Variants in WDR41 observed in about 807,000 individuals in gnomAD.
WDR41 encodes WD repeat domain 41.
A neutral mutation model predicts 69.3 loss-of-function variants in WDR41; 63 were observed. That is an observed-to-expected ratio of 0.91 (90% confidence interval 0.74 to 1.12). The LOEUF (loss-of-function observed/expected upper bound fraction) is 1.12. Ranked by LOEUF, WDR41 falls within the 50% of genes most tolerant of loss-of-function variation. The pLI is 0.00. For synonymous variants in WDR41, 185 were observed against 192.1 expected (o/e 0.96, Z 0.31); for missense variants, 543 against 534.5 (o/e 1.02, Z -0.16).
intron 1 of WDR41, among the ~76,000 whole-genome samples, chr5:77,556,688 G>A (rs1289878263): frequency 6.6e-6 from 1 of 152,160 alleles, no homozygotes; most frequent in Non-Finnish European, 1.5e-5. Context: ...TGAAAGGTGA[G>A]CTCAATGCCC....
chr5:77,537,655 A>T (rs1023140911), intron 1 of WDR41, among the ~76,000 whole-genome samples: 1 of 152,138 alleles, frequency 6.6e-6, no homozygotes, highest in Non-Finnish European at 1.5e-5. Flanking sequence ...GTTGGTTTGT[A>T]TGTTAAAGAT....
chr5:77,619,880 T>G (rs1002426982), intron 1 of WDR41, among the ~76,000 whole-genome samples: 4 of 152,144 alleles, frequency 2.6e-5, no homozygotes, highest in Non-Finnish European at 5.9e-5. Context: ...TTAGCAGCTG[T>G]GAGGCAATCA....
At chr5:77,606,533 G>A (rs974272438) in intron 1 of WDR41, among the ~76,000 whole-genome samples, 1 of 152,124 alleles carries the variant, frequency 6.6e-6, no homozygotes, top group Admixed American at 6.5e-5. Flanking sequence ...ATAGAGGCTG[G>A]GTGTGGTGGC....
intron 1 of WDR41, among the ~76,000 whole-genome samples, chr5:77,579,886 A>C (rs1743905450): frequency 6.6e-6 from 1 of 152,096 alleles, no homozygotes; most frequent in Non-Finnish European, 1.5e-5. Flanking sequence ...TATATGTGTA[A>C]TATATTTGCC....
intron 1 of WDR41, among the ~76,000 whole-genome samples, chr5:77,542,739 A>G (rs1356101622): frequency 6.6e-6 from 1 of 152,250 alleles, no homozygotes; most frequent in Non-Finnish European, 1.5e-5. Context: ...AGAAAAAAGA[A>G]GTCATTGGCA....
At chr5:77,595,576 G>A (rs4279318) in intron 1 of WDR41, among the ~76,000 whole-genome samples, 12 of 152,040 alleles carry the variant, frequency 7.9e-5, no homozygotes, top group African/African-American at 1.2e-4. Context: ...ATTTTGTCCC[G>A]CATTTCCACT....
At chr5:77,450,939 A>C (rs1799603227) in intron 7 of WDR41, among the ~76,000 whole-genome samples, 1 of 152,176 alleles carries the variant, frequency 6.6e-6, no homozygotes, top group Non-Finnish European at 1.5e-5. Flanking sequence ...TGTGGTTGTC[A>C]AAAGAAGGTT....
intron 1 of WDR41, chr5:77,545,993 G>T: frequency 2.0e-6 from 1 of 490,018 alleles, no homozygotes; most frequent in South Asian, 3.4e-5. Context: ...CAGGAGCACT[G>T]GCATCATCTC....
chr5:77,585,134 A>G (rs1323466479), intron 1 of WDR41, among the ~76,000 whole-genome samples: 3 of 152,104 alleles, frequency 2.0e-5, no homozygotes, highest in African/African-American at 4.8e-5. Flanking sequence ...TAAGAAAAAA[A>G]AAAAGAACCC....
At chr5:77,483,613 AAGAT>A (rs1801386890) in intron 2 of WDR41, among the ~76,000 whole-genome samples, 2 of 152,084 alleles carry the variant, frequency 1.3e-5, no homozygotes, top group African/African-American at 4.8e-5. Context: ...CAATGAATCT[AAGAT>A]AGGTAGAAGA....
chr5:77,460,374 T>C (rs561779981), intron 4 of WDR41, among the ~76,000 whole-genome samples: 6 of 152,226 alleles, frequency 3.9e-5, no homozygotes, highest in African/African-American at 1.4e-4. Flanking sequence ...ATGCTCCCAG[T>C]AATTAGGAAA....
intron 12 of WDR41, among the ~76,000 whole-genome samples, chr5:77,434,845 A>G (rs1798878156): frequency 6.6e-6 from 1 of 152,200 alleles, no homozygotes; most frequent in Non-Finnish European, 1.5e-5. Flanking sequence ...TGTTTTATAG[A>G]ATGAGAAATG....
intron 2 of WDR41, among the ~76,000 whole-genome samples, chr5:77,465,319 G>T (rs1263409548): frequency 6.6e-6 from 1 of 151,994 alleles, no homozygotes; most frequent in Non-Finnish European, 1.5e-5. Flanking sequence ...GGATTTTTTA[G>T]GGTTTTTTTG....
At chr5:77,478,711 C>T (rs1801084830) in intron 2 of WDR41, among the ~76,000 whole-genome samples, 2 of 151,734 alleles carry the variant, frequency 1.3e-5, no homozygotes, top group South Asian at 4.2e-4. Flanking sequence ...AAACCCACAG[C>T]CAATATCATA....
chr5:77,539,250 C>T (rs1423625578), intron 1 of WDR41, among the ~76,000 whole-genome samples: 1 of 152,172 alleles, frequency 6.6e-6, no homozygotes, highest in Non-Finnish European at 1.5e-5. Context: ...GAATTCATTG[C>T]ACCATCTGCA....
chr5:77,542,988 A>G (rs1209229203), intron 1 of WDR41, among the ~76,000 whole-genome samples: 3 of 152,192 alleles, frequency 2.0e-5, no homozygotes, highest in Non-Finnish European at 4.4e-5. Flanking sequence ...TACTCTGTGC[A>G]GATAACCCCC....
rs1798746402 is a variant in WDR41 at position 77,432,118 on chromosome 5, T to C, written c.*1017A>G. On this transcript the variant is annotated 3_prime_UTR_variant, in exon 13 of 13. Coordinates refer to ENST00000296679, the MANE Select transcript of WDR41 (RefSeq NM_018268.4). ...GGAGATTCCCTTTAGGGTATATTTG[T>C]AGTATATTTGTATAATGAACAAATA... 1 of 152,258 alleles carries C rather than the reference T, an allele frequency of 6.6e-6. No individual in the cohort carries two copies. Among genetic ancestry groups the C allele is most frequent in the African/African-American group, 2.4e-5 (1 of 41,478 alleles). The allele number at this position is 152,258 out of a possible 1,614,324, so 9.4% of individuals were successfully genotyped here.
chr5:77,554,652 C>A (rs1361729276), intron 1 of WDR41, among the ~76,000 whole-genome samples: 1 of 150,020 alleles, frequency 6.7e-6, no homozygotes, highest in Non-Finnish European at 1.5e-5. Flanking sequence ...TAATTTATAA[C>A]TTATTTAGTA....
At chr5:77,463,023 A>G (rs1251282769) in intron 4 of WDR41, 72 bp downstream of exon 4, 1 of 1,494,446 alleles carries the variant, frequency 6.7e-7, no homozygotes, top group African/African-American at 1.4e-5. Flanking sequence ...CCTATCAGCT[A>G]AAGACTAATA....
Sources: gnomAD v4.1 joint callset for allele counts (sites outside exome capture counted in the v4.1 genomes callset) on GRCh38, gnomAD v4.1.1 for gene constraint, MANE v1.5 for transcripts, NCBI Gene and HGNC (gene_info 2026-07-23, HGNC 2026-07-21) for gene names.